The following CCDC171 variants were observed in gnomAD, a reference collection of about 807,000 sequenced individuals.
CCDC171 encodes coiled-coil domain-containing protein 171.
Under a neutral mutation model 168.2 loss-of-function variants are expected in CCDC171, and 177 were observed. The observed-to-expected ratio is 1.05, with a 90% CI of 0.93 to 1.19. The LOEUF is 1.19. Among genes scored for constraint, CCDC171 ranks in the 50% most tolerant of loss-of-function variants. The pLI is 0.00. For missense variants in CCDC171, 1,991 were observed against 1,539.0 expected (o/e 1.29, Z -4.91); for synonymous variants, 687 against 540.8 (o/e 1.27, Z -3.75).
In CCDC171 at chr9:15,744,775, C is replaced by T; in HGVS notation, c.2552C>T (p.Pro851Leu). 1 of 1,605,110 alleles carries T rather than the reference C, an allele frequency of 6.2e-7. No homozygotes were observed. The highest frequency in any genetic ancestry group is 8.5e-7 in the Non-Finnish European group (1 of 1,175,438). The change falls in exon 17 of 26, where the codon CCA (proline) becomes CTA (leucine). Residue 851 changes from proline to leucine, a missense_variant and splice_region_variant. Transcript: ENST00000380701. ...GAGCCCCAAGACAAGCATAAATTTC[C>T]AAGTAAGATAATTTCTGCTTTTAAA... Reference protein sequence around the residue: ...TGEPQDKHKFPKHQKEQLRCL... With the variant: ...TGEPQDKHKFLKHQKEQLRCL...
At chr9:15,633,272 A>C (rs560163194) in intron 7 of CCDC171, among the ~76,000 whole-genome samples, 89 of 152,330 alleles carry the variant, frequency 5.8e-4, no homozygotes, top group African/African-American at 2.0e-3. Context: ...CAACCTACTC[A>C]TCTGACAAAG....
intron 23 of CCDC171, among the ~76,000 whole-genome samples, chr9:15,858,982 T>G (rs1350405153): frequency 6.6e-6 from 1 of 152,098 alleles, no homozygotes; most frequent in African/African-American, 2.4e-5. Flanking sequence ...AGGAAAAGCT[T>G]TAAGTTTTTA....
chr9:16,098,400 A>C, the CCDC171 span, among the ~76,000 whole-genome samples: 1 of 152,208 alleles, frequency 6.6e-6, no homozygotes, highest in South Asian at 2.1e-4. Context: ...GGTTGGAAGA[A>C]TATGTGAATA....
chr9:15,656,336 A>AG (rs1564150387), intron 7 of CCDC171, among the ~76,000 whole-genome samples: 1 of 151,970 alleles, frequency 6.6e-6, no homozygotes. Flanking sequence ...AAAAAAAAAA[A>AG]CAAATCAATA....
chr9:15,703,490 G>T (rs1443160223), intron 11 of CCDC171, among the ~76,000 whole-genome samples: 4 of 152,078 alleles, frequency 2.6e-5, no homozygotes, highest in African/African-American at 9.7e-5. Flanking sequence ...TAGCTCTCAT[G>T]TATGAGTGAA....
intron 3 of CCDC171, among the ~76,000 whole-genome samples, chr9:15,983,817 A>AGTGT (rs58951910): frequency 0.068 from 9,658 of 142,242 alleles, 422 homozygotes; most frequent in Middle Eastern, 0.12. Flanking sequence ...AAATAAAGAG[A>AGTGT]GTGTGTGTGT....
the CCDC171 span, among the ~76,000 whole-genome samples, chr9:16,068,860 C>T: frequency 4.6e-5 from 7 of 152,322 alleles, no homozygotes; most frequent in African/African-American, 1.2e-4. Context: ...ACTGCTCACT[C>T]AGACAGGGTC....
intron 9 of CCDC171, among the ~76,000 whole-genome samples, chr9:15,667,498 T>C (rs2048817025): frequency 6.6e-6 from 1 of 151,990 alleles, no homozygotes; most frequent in South Asian, 2.1e-4. Flanking sequence ...ATAAAAAAAT[T>C]AGCCAGGTGT....
At chr9:16,025,942 G>A (rs1305382850) in intron 6 of CCDC171, among the ~76,000 whole-genome samples, 1 of 152,168 alleles carries the variant, frequency 6.6e-6, no homozygotes, top group African/African-American at 2.4e-5. Flanking sequence ...TGTGTTATGT[G>A]AATTTTACTA....
chr9:15,876,541 G>C (rs138112518), intron 24 of CCDC171, among the ~76,000 whole-genome samples: 1 of 152,190 alleles, frequency 6.6e-6, no homozygotes, highest in Non-Finnish European at 1.5e-5. Context: ...AATAGTATTT[G>C]ACTGCTAAGC....
At chr9:15,878,139 T>G (rs1034570440) in intron 24 of CCDC171, among the ~76,000 whole-genome samples, 4 of 152,074 alleles carry the variant, frequency 2.6e-5, no homozygotes, top group African/African-American at 9.7e-5. Flanking sequence ...TGGGATCAAA[T>G]TAAATTTAAG....
intron 25 of CCDC171, among the ~76,000 whole-genome samples, chr9:15,922,668 T>C (rs1357267263): frequency 6.6e-6 from 1 of 151,668 alleles, no homozygotes; most frequent in Non-Finnish European, 1.5e-5. Flanking sequence ...ATGACTGTAC[T>C]AATTTACATT....
At chr9:15,943,274 G>T (rs1827928264) in intron 25 of CCDC171, among the ~76,000 whole-genome samples, 1 of 151,906 alleles carries the variant, frequency 6.6e-6, no homozygotes, top group African/African-American at 2.4e-5. Context: ...AAAAGGAAAT[G>T]TCAAAAGACT....
At chr9:15,740,428 T>C (rs2054792971) in intron 16 of CCDC171, among the ~76,000 whole-genome samples, 3 of 151,386 alleles carry the variant, frequency 2.0e-5, no homozygotes, top group African/African-American at 7.3e-5. Context: ...TAAATAGAGG[T>C]TTTTGTTTGT....
chr9:15,840,919 T>G (rs1370071324), intron 21 of CCDC171, among the ~76,000 whole-genome samples: 1 of 152,166 alleles, frequency 6.6e-6, no homozygotes, highest in Non-Finnish European at 1.5e-5. Flanking sequence ...AATACTCTTA[T>G]GAAGTTCCTT....
intron 9 of CCDC171, among the ~76,000 whole-genome samples, chr9:15,667,258 T>C (rs1310028910): frequency 6.6e-6 from 1 of 152,184 alleles, no homozygotes; most frequent in Non-Finnish European, 1.5e-5. Context: ...GATAATACAT[T>C]GGCATATTAG....
chr9:16,052,451 C>T (rs1488399179), intron 1 of CCDC171, among the ~76,000 whole-genome samples: 1 of 152,156 alleles, frequency 6.6e-6, no homozygotes, highest in Non-Finnish European at 1.5e-5. Flanking sequence ...CATGTGCGGC[C>T]TCCTTTTATT....
intron 3 of CCDC171, among the ~76,000 whole-genome samples, chr9:16,017,945 C>T (rs926942958): frequency 5.3e-5 from 8 of 150,860 alleles, no homozygotes; most frequent in Non-Finnish European, 1.0e-4. Flanking sequence ...GAGAACCAAA[C>T]AATACTGCAG....
chr9:15,998,068 C>T (rs1248762540), intron 3 of CCDC171, among the ~76,000 whole-genome samples: 1 of 151,920 alleles, frequency 6.6e-6, no homozygotes, highest in Non-Finnish European at 1.5e-5. Flanking sequence ...CTTTGAAGAC[C>T]AATACCTCCA....
Sources: gnomAD v4.1 joint callset for allele counts (sites outside exome capture counted in the v4.1 genomes callset) on GRCh38, gnomAD v4.1.1 for gene constraint, MANE v1.5 for transcripts, NCBI Gene and HGNC (gene_info 2026-07-23, HGNC 2026-07-21) for gene names.